PTPRZ1: variants seen among roughly 807,000 people sequenced by gnomAD.
PTPRZ1 encodes the protein receptor-type tyrosine-protein phosphatase zeta.
A neutral mutation model predicts 214.1 loss-of-function variants in PTPRZ1; 82 were observed. That is an observed-to-expected ratio of 0.38 (90% confidence interval 0.32 to 0.46). The LOEUF is 0.46. PTPRZ1 is among the 20% of genes least tolerant of loss of function. PTPRZ1 has a pLI of 1.00. For synonymous variants in PTPRZ1, 945 were observed against 987.9 expected, an observed-to-expected ratio of 0.96 and a Z score of 0.81; for missense variants, 2,603 against 2,748.7, an observed-to-expected ratio of 0.95 and a Z score of 1.19.
intron 6 of PTPRZ1, among the ~76,000 whole-genome samples, chr7:121,977,099 T>C (rs1308447225): frequency 6.6e-6 from 1 of 152,206 alleles, no homozygotes; most frequent in Admixed American, 6.5e-5. Flanking sequence ...GTTTTTAAAA[T>C]TCTTGAAAAT....
chr7:121,933,588 A>C (rs1167365402), intron 2 of PTPRZ1, among the ~76,000 whole-genome samples: 2 of 152,182 alleles, frequency 1.3e-5, no homozygotes, highest in Non-Finnish European at 2.9e-5. Flanking sequence ...AGAGTCTTTA[A>C]ATATCGAATT....
chr7:121,901,212 CA>C (rs1329165028), intron 1 of PTPRZ1, among the ~76,000 whole-genome samples: 2 of 152,066 alleles, frequency 1.3e-5, no homozygotes, highest in African/African-American at 4.8e-5. Context: ...ATAATTCAAG[CA>C]AAAACATTAT....
At chr7:121,967,590 C>T (rs577685471) in intron 2 of PTPRZ1, among the ~76,000 whole-genome samples, 69 of 152,058 alleles carry the variant, frequency 4.5e-4, no homozygotes, top group Non-Finnish European at 6.9e-4. Context: ...ATTGCTGAAC[C>T]CTGAACTTGT....
In PTPRZ1 at chr7:122,058,952, A is replaced by C; in HGVS notation, c.6671+10A>C. 1 of 1,570,480 alleles carries C rather than the reference A, an allele frequency of 6.4e-7. No homozygotes were observed. The highest frequency in any genetic ancestry group is 8.7e-7 in the Non-Finnish European group (1 of 1,143,536). The stretch of plus-strand genomic sequence containing the variant: ...TGATTGTTCATGATGAGTAAGTTCC[A>C]TGTGTTAGATGGTTTCACACCTGCA... On this transcript the variant is annotated intron_variant, in intron 28 of 29. Transcript: ENST00000393386.
At chr7:121,944,771 T>C (rs1224261885) in intron 2 of PTPRZ1, among the ~76,000 whole-genome samples, 1 of 152,000 alleles carries the variant, frequency 6.6e-6, no homozygotes, top group African/African-American at 2.4e-5. Flanking sequence ...GCCTCCCGAG[T>C]AGCTGGGACT....
intron 11 of PTPRZ1, among the ~76,000 whole-genome samples, chr7:122,005,535 AT>A (rs1366873296): frequency 2.6e-5 from 4 of 151,936 alleles, no homozygotes. Flanking sequence ...ACAAGGGACT[AT>A]TTTACCAAAA....
chr7:121,901,777 G>A (rs747213940), intron 1 of PTPRZ1, among the ~76,000 whole-genome samples: 10 of 152,172 alleles, frequency 6.6e-5, no homozygotes, highest in Admixed American at 3.9e-4. Flanking sequence ...GTTTCAATAC[G>A]TATATACGTT....
chr7:121,920,164 A>G (rs77021494), intron 1 of PTPRZ1, among the ~76,000 whole-genome samples: 8,805 of 152,160 alleles, frequency 0.058, 309 homozygotes, highest in Non-Finnish European at 0.085. Context: ...CTAATTGGTT[A>G]TTTGAGTGTG....
intron 1 of PTPRZ1, among the ~76,000 whole-genome samples, chr7:121,912,748 G>A (rs1795315516): frequency 6.6e-6 from 1 of 152,076 alleles, no homozygotes; most frequent in South Asian, 2.1e-4. Flanking sequence ...TGAGAAAGAC[G>A]ATGATGAAAA....
rs1368466371 is a variant in PTPRZ1, at chr7:121,913,758, AT to A, written c.59-14396del. ...TTCTCTCATTTCTTTTCCATTGAGT[AT>A]TGTCAGTAAAATAGAATAAGATTGA... On this transcript the variant is annotated intron_variant, in intron 1 of 29. Coordinates refer to ENST00000393386, the MANE Select transcript of PTPRZ1 (RefSeq NM_002851.3). Among the ~76,000 whole-genome samples the A allele has an allele frequency of 3.3e-5, 5 of 152,194 alleles. 1 individual carries two copies. The highest frequency in any genetic ancestry group is 3.3e-4 in the Admixed American group (5 of 15,272).
At chr7:122,008,122 A>C (rs1333274057) in intron 11 of PTPRZ1, among the ~76,000 whole-genome samples, 1 of 152,124 alleles carries the variant, frequency 6.6e-6, no homozygotes, top group Non-Finnish European at 1.5e-5. Flanking sequence ...TTTTATGAAA[A>C]TTTACATTGC....
rs1230380288 is a variant in PTPRZ1, at chr7:121,967,531, A to G, written c.125-420A>G. On this transcript the variant is annotated intron_variant, in intron 2 of 29. Transcript: ENST00000393386. ...GCTAGGACTAACTACCTTACAGGAC[A>G]ATTAAGCTTTTTGTTGATTTGAAAG... 1.3e-5 allele frequency among the ~76,000 whole-genome samples: 2 copies of G among 152,290 alleles called. 1 individual carries two copies. Among genetic ancestry groups the G allele is most frequent in the Middle Eastern group, 6.8e-3 (2 of 294 alleles).
intron 2 of PTPRZ1, among the ~76,000 whole-genome samples, chr7:121,959,929 G>A (rs1431422474): frequency 6.6e-6 from 1 of 152,204 alleles, no homozygotes; most frequent in Non-Finnish European, 1.5e-5. Flanking sequence ...GGAGCACTAA[G>A]TAGAGTTTAT....
At chr7:121,880,738 T>C (rs1794213620) in intron 1 of PTPRZ1, among the ~76,000 whole-genome samples, 1 of 152,212 alleles carries the variant, frequency 6.6e-6, no homozygotes, top group African/African-American at 2.4e-5. Context: ...ATTCATATTG[T>C]CATCAGATTG....
At chr7:122,028,726 C>A in intron 14 of PTPRZ1, 83 bp downstream of exon 14, 1 of 1,081,216 alleles carries the variant, frequency 9.2e-7, no homozygotes, top group South Asian at 1.4e-5. Flanking sequence ...TTTATCGGGA[C>A]ACTATGCAAA....
intron 2 of PTPRZ1, among the ~76,000 whole-genome samples, chr7:121,955,075 A>G (rs1205373662): frequency 6.6e-6 from 1 of 152,242 alleles, no homozygotes; most frequent in Admixed American, 6.5e-5. Context: ...CAGAGGTCCT[A>G]CCATGAATAG....
At chr7:121,954,795 A>C (rs766293741) in intron 2 of PTPRZ1, among the ~76,000 whole-genome samples, 9 of 152,252 alleles carry the variant, frequency 5.9e-5, no homozygotes, top group Non-Finnish European at 1.0e-4. Context: ...AGCAGCGTTA[A>C]GTTTTCATGG....
At chr7:121,894,637 A>G (rs372461753) in intron 1 of PTPRZ1, among the ~76,000 whole-genome samples, 55 of 152,244 alleles carry the variant, frequency 3.6e-4, no homozygotes, top group African/African-American at 1.2e-3. Flanking sequence ...AACTCCTGAG[A>G]TCAAGCAATC....
intron 1 of PTPRZ1, among the ~76,000 whole-genome samples, chr7:121,896,320 A>G (rs1794782248): frequency 6.6e-6 from 1 of 152,178 alleles, no homozygotes; most frequent in Non-Finnish European, 1.5e-5. Context: ...TATCCATTGA[A>G]CAACTTCTCA....
Sources: allele counts gnomAD v4.1 joint callset (sites outside exome capture counted in the v4.1 genomes callset), GRCh38; gene constraint gnomAD v4.1.1; transcripts MANE v1.5; gene names NCBI Gene and HGNC (gene_info 2026-07-23, HGNC 2026-07-21).